The following CEP104 variants were observed in gnomAD, a reference collection of about 807,000 sequenced individuals.
CEP104 encodes centrosomal protein 104.
CEP104 carries 84 observed loss-of-function variants against 113.3 expected under a neutral mutation model. The observed-to-expected ratio is 0.74, with a 90% CI of 0.62 to 0.89. The LOEUF is 0.89. CEP104 is among the 40% of genes least tolerant of loss of function. The probability of loss-of-function intolerance (pLI) is 0.00; values close to 1 mark genes in which losing one functional copy is unlikely to be tolerated. For missense variants in CEP104, 1,053 were observed against 1,156.6 expected, an observed-to-expected ratio of 0.91 and a Z score of 1.30; for synonymous variants, 378 against 421.7, an observed-to-expected ratio of 0.90 and a Z score of 1.27.
intron 1 of CEP104, chr1:3,855,822 G>T: frequency 1.2e-6 from 1 of 822,902 alleles, no homozygotes; most frequent in Non-Finnish European, 1.5e-6. Flanking sequence ...TTAACAATTT[G>T]GGAAGAAGCA....
At position 3,826,493 on chromosome 1, in the gene CEP104, A is replaced by C. The variant is rs867184066; in HGVS notation, c.2189-57T>G. On this transcript the variant is annotated intron_variant, in intron 16 of 21. Transcript: ENST00000378230. Reference sequence around the variant, plus strand: ...TTATAGAAATTATTTTCAAAATTTTAGTAAGCAGTTTGATGTGAGCTCTAA... The same window carrying C: ...TTATAGAAATTATTTTCAAAATTTTCGTAAGCAGTTTGATGTGAGCTCTAA... The C allele has an allele frequency of 1.0e-4, 155 of 1,516,706 alleles. 3 individuals carry two copies. The Middle Eastern group carries it at 9.8e-3, about 96-fold the overall frequency. 94.0% of individuals were successfully genotyped at this position (1,516,706 alleles called of 1,614,324 possible).
In CEP104 at chr1:3,833,893, C is replaced by T. The variant is rs200715031; in HGVS notation, c.1628G>A (p.Arg543His). 3.3e-5 allele frequency: 53 copies of T among 1,614,058 alleles called. No individual in the cohort carries two copies. Among genetic ancestry groups the T allele is most frequent in the Non-Finnish European group, 4.1e-5 (48 of 1,180,036 alleles). ...AAAATTTGCAGCTGTGACGCGGAGG[C>T]GGGCAGAAGAATCTCCAGTTCTGGT... is the stretch of plus-strand genomic sequence containing the variant. ...LLTRTGDSSA[R>H]LRVTAANFIQ... The change falls in exon 12 of 22, where the codon CGC becomes CAC. Residue 543 changes from arginine to histidine, a missense_variant. Arg to His is a conservative substitution (Grantham distance 29, BLOSUM62 0). Transcript: ENST00000378230.
chr1:3,856,947 G>A lies in CEP104; in HGVS notation c.-73C>T, dbSNP rs11554035. On this transcript the variant is annotated 5_prime_UTR_variant, in exon 1 of 22. Transcript: ENST00000378230. ...CGCGGCCCCGGTGGAGAGGGCGGCTGGGTCGGAGCGGTGCCGCGGCCCGGG... is the reference window on the plus strand; with the variant it reads ...CGCGGCCCCGGTGGAGAGGGCGGCTAGGTCGGAGCGGTGCCGCGGCCCGGG... 0.21 allele frequency: 31,497 copies of A among 151,874 alleles called. 3,649 individuals are homozygous for A. Among genetic ancestry groups the A allele is most frequent in the Non-Finnish European group, 0.25 (17,138 of 67,938 alleles). 9.4% of individuals were successfully genotyped at this position (151,874 alleles called of 1,614,324 possible).
At chr1:3,835,174 T>A in intron 10 of CEP104, 82 bp from the exon 11 acceptor site, 1 of 1,077,834 alleles carries the variant, frequency 9.3e-7, no homozygotes, top group Non-Finnish European at 1.3e-6. Context: ...GTTTTTTTTT[T>A]AACTAAAATG....
intron 8 of CEP104, 76 bp downstream of exon 8, chr1:3,838,888 C>T (rs1378993019): frequency 1.3e-6 from 2 of 1,489,512 alleles, no homozygotes; most frequent in Admixed American, 1.7e-5. Context: ...AGACATCTAT[C>T]CACTGTTGTG....
At position 3,847,591 on chromosome 1, in the gene CEP104, C is replaced by T. The variant is rs1246156718; in HGVS notation, c.310G>A (p.Glu104Lys). 6.2e-7 allele frequency: 1 copy of T among 1,614,004 alleles called. No homozygotes were observed. Among genetic ancestry groups the T allele is most frequent in the Admixed American group, 1.7e-5 (1 of 59,988 alleles). ...TCCCGGGCTTTGCAACCTGTCTTTT[C>T]ATTATCACAGAGAGACACGTAGCTG... The part of the protein sequence containing the change: ...RLGYVSLCDN[E>K]KTGCKARELK... Residue 104 changes from glutamate (E) to lysine (K), a missense_variant, in exon 4 of 22, where the codon GAA becomes AAA. Glu to Lys is a moderately conservative substitution (Grantham distance 56). Coordinates refer to ENST00000378230, the MANE Select transcript of CEP104 (RefSeq NM_014704.4).
chr1:3,831,721 C>T (rs1274266175), intron 12 of CEP104, among the ~76,000 whole-genome samples: 1 of 152,108 alleles, frequency 6.6e-6, no homozygotes, highest in African/African-American at 2.4e-5. Context: ...ACAAACAAGT[C>T]TTTACGTAAT....
chr1:3,834,833 C>T (rs998270187), intron 11 of CEP104, 92 bp downstream of exon 11: 4 of 1,200,434 alleles, frequency 3.3e-6, no homozygotes, highest in African/African-American at 1.5e-5. Flanking sequence ...CAATGACCAA[C>T]TGGTCCTCTC....
chr1:3,814,958 C>G lies in CEP104; in HGVS notation c.*444G>C, dbSNP rs138021336. On this transcript the variant is annotated 3_prime_UTR_variant, in exon 22 of 22. Coordinates refer to ENST00000378230, the MANE Select transcript of CEP104 (RefSeq NM_014704.4). ...CGCTGCTGGCCGAGCCACAGCCCTG[C>G]GGAAATTCTACTGCGTGTGGCAGAG... is the stretch of plus-strand genomic sequence containing the variant. 6.3e-6 allele frequency: 1 copy of G among 158,452 alleles called. No individual in the cohort carries two copies. The highest frequency in any genetic ancestry group is 1.4e-5 in the Non-Finnish European group (1 of 71,232). The allele number at this position is 158,452 out of a possible 1,614,324, so 9.8% of individuals were successfully genotyped here. A position where few individuals can be genotyped will look rare whatever the true frequency, so the allele number is the denominator to read the frequency against.
intron 13 of CEP104, 93 bp from the exon 14 acceptor site, chr1:3,830,090 T>C (rs1404081937): frequency 1.1e-6 from 1 of 916,472 alleles, no homozygotes. Flanking sequence ...ATGTGAAAAA[T>C]AAAAGAGAAA....
intron 21 of CEP104, 94 bp from the exon 22 acceptor site, chr1:3,815,611 C>T (rs1294813892): frequency 3.4e-5 from 27 of 805,402 alleles, no homozygotes; most frequent in Non-Finnish European, 4.0e-5. Context: ...GCAACAACGT[C>T]CCAGGCCCAT....
At chr1:3,834,851 G>C in intron 11 of CEP104, 74 bp downstream of exon 11, 1 of 1,393,796 alleles carries the variant, frequency 7.2e-7, no homozygotes, top group Non-Finnish European at 9.7e-7. Flanking sequence ...CTCTCAAGCT[G>C]CTCTGGTCTT....
chr1:3,817,551 C>T (rs1643898568), intron 20 of CEP104, among the ~76,000 whole-genome samples: 2 of 152,194 alleles, frequency 1.3e-5, no homozygotes, highest in African/African-American at 4.8e-5. Context: ...GCTTTAGCTG[C>T]TCCCGGCAGG....
At chr1:3,832,986 T>TC (rs1491502581) in intron 12 of CEP104, among the ~76,000 whole-genome samples, 1 of 92,318 alleles carries the variant, frequency 1.1e-5, no homozygotes, top group Admixed American at 1.3e-4. Context: ...TGGCCTGGAT[T>TC]CTTTTTTTTT....
chr1:3,816,450 G>C, intron 20 of CEP104, 80 bp from the exon 21 acceptor site: 1 of 1,217,604 alleles, frequency 8.2e-7, no homozygotes, highest in South Asian at 1.5e-5. Context: ...AGGACTCGCT[G>C]TGTAAGCTGA....
chr1:3,852,607 CTTAAG>C (rs1171326469), intron 1 of CEP104, among the ~76,000 whole-genome samples, 186 bp from the exon 2 acceptor site: 1 of 152,162 alleles, frequency 6.6e-6, no homozygotes, highest in Non-Finnish European at 1.5e-5. Context: ...TCTGGTTCTG[CTTAAG>C]ATATCATTTA....
At position 3,815,451 on chromosome 1, in the gene CEP104, G is replaced by A. The variant is rs200182606; in HGVS notation, c.2729C>T (p.Pro910Leu). The change falls in exon 22 of 22, where the codon CCG becomes CTG. Residue 910 changes from proline to leucine, a missense_variant. Pro to Leu is a moderately conservative substitution (Grantham distance 98). Transcript: ENST00000378230. ...GGAGCTCTTGCTCAGTCCGCCCTTCGGGGTGGGGATCTTGCTTCCGGCCTT... is the reference window on the plus strand; with the variant it reads ...GGAGCTCTTGCTCAGTCCGCCCTTCAGGGTGGGGATCTTGCTTCCGGCCTT... Reference protein sequence around the residue: ...GSKAGSKIPTPKGGLSKSSSR... With the variant: ...GSKAGSKIPTLKGGLSKSSSR... The A allele has an allele frequency of 1.4e-5, 22 of 1,613,358 alleles. No individual in the cohort carries two copies. The highest frequency in any genetic ancestry group is 1.7e-4 in the Middle Eastern group (1 of 6,060).
intron 11 of CEP104, 113 bp downstream of exon 11, chr1:3,834,812 G>T: frequency 2.2e-6 from 2 of 890,826 alleles, no homozygotes; most frequent in Non-Finnish European, 3.4e-6. Context: ...AGTTACAGTT[G>T]GTGACCACGT....
chr1:3,839,408 C>T (rs1169354642), intron 7 of CEP104, among the ~76,000 whole-genome samples, 200 bp downstream of exon 7: 1 of 152,180 alleles, frequency 6.6e-6, no homozygotes, highest in African/African-American at 2.4e-5. Flanking sequence ...GAACGTGAGT[C>T]TGAAGAGGTA....
Sources: gnomAD v4.1 joint callset for allele counts (sites outside exome capture counted in the v4.1 genomes callset) on GRCh38, gnomAD v4.1.1 for gene constraint, MANE v1.5 for transcripts, NCBI Gene and HGNC (gene_info 2026-07-23, HGNC 2026-07-21) for gene names.